The following MOV10 variants were observed in gnomAD, a reference collection of about 807,000 sequenced individuals.
MOV10 encodes RNA helicase MOV-10.
Under a neutral mutation model 108.4 loss-of-function variants are expected in MOV10, and 39 were observed. That is an observed-to-expected ratio of 0.36 (90% confidence interval 0.28 to 0.47). The LOEUF is 0.47. Ranked by LOEUF, MOV10 falls within the 20% of genes least tolerant of loss-of-function variation. The pLI is 1.00. For synonymous variants in MOV10, 490 were observed against 523.1 expected (o/e 0.94, Z 0.86); for missense variants, 952 against 1,297.6 (o/e 0.73, Z 4.09).
chr1:112,687,866 G>A (rs893381336), intron 2 of MOV10, among the ~76,000 whole-genome samples: 2 of 152,052 alleles, frequency 1.3e-5, no homozygotes, highest in Non-Finnish European at 2.9e-5. Context: ...GGTCAACTGA[G>A]CTGACCTGGC....
At position 112,692,860 on chromosome 1, in the gene MOV10, C is replaced by T; in HGVS notation, c.1071C>T (p.His357=). The change falls in exon 7 of 21, where the codon CAC becomes CAT. Residue 357 remains histidine, a synonymous_variant. Transcript: ENST00000369645. ...EELQMEHDIR[H]YDLESVPMTW... is the part of the protein sequence containing the mutation. ...TGCAGATGGAGCATGATATCCGGCACTATGACCTGGAGTCGGTGCCCATGA... is the reference window on the plus strand; with the variant it reads ...TGCAGATGGAGCATGATATCCGGCATTATGACCTGGAGTCGGTGCCCATGA... The T allele has an allele frequency of 6.2e-7, 1 of 1,613,994 alleles. No homozygotes were observed. The highest frequency in any genetic ancestry group is 1.1e-5 in the South Asian group (1 of 91,014).
At chr1:112,684,693 CATT>C (rs1557755075) in intron 2 of MOV10, among the ~76,000 whole-genome samples, 1 of 152,310 alleles carries the variant, frequency 6.6e-6, no homozygotes, top group Non-Finnish European at 1.5e-5. Context: ...TCCACATACC[CATT>C]ATAGTAATAT....
chr1:112,680,449 G>T (rs1160419207), intron 2 of MOV10, among the ~76,000 whole-genome samples: 1 of 151,842 alleles, frequency 6.6e-6, no homozygotes, highest in Non-Finnish European at 1.5e-5. Context: ...GAGGTCAGGA[G>T]ATCGAGACCA....
intron 2 of MOV10, chr1:112,688,624 T>C: frequency 7.9e-7 from 1 of 1,268,150 alleles, no homozygotes; most frequent in Non-Finnish European, 1.0e-6. Flanking sequence ...TTTATGTCTT[T>C]CTCTGTCTTC....
At chr1:112,700,060 G>C in intron 19 of MOV10, 78 bp downstream of exon 19, 1 of 1,589,096 alleles carries the variant, frequency 6.3e-7, no homozygotes, top group Non-Finnish European at 8.6e-7. Flanking sequence ...TTAAGCGCTT[G>C]CTTATCGCTC....
chr1:112,686,889 T>C (rs1332120684), intron 2 of MOV10: 2 of 455,900 alleles, frequency 4.4e-6, no homozygotes, highest in South Asian at 1.6e-5. Flanking sequence ...CTCTACCCAC[T>C]GCCTTGCTCA....
At chr1:112,684,262 ATT>A (rs71084487) in intron 2 of MOV10, among the ~76,000 whole-genome samples, 69 of 93,786 alleles carry the variant, frequency 7.4e-4, no homozygotes, top group East Asian at 1.0e-3. Flanking sequence ...AGTCCCTGGG[ATT>A]TTTTTTTTTT....
chr1:112,682,690 C>T (rs553651391), intron 2 of MOV10, among the ~76,000 whole-genome samples: 1 of 152,130 alleles, frequency 6.6e-6, no homozygotes, highest in Admixed American at 6.5e-5. Context: ...CATGACAGTA[C>T]CTGTTCTAGA....
chr1:112,691,119 A>T (rs1673542539), intron 5 of MOV10, among the ~76,000 whole-genome samples: 1 of 151,808 alleles, frequency 6.6e-6, no homozygotes, highest in Non-Finnish European at 1.5e-5. Context: ...TTTCTACTAA[A>T]AATACAAAAA....
At chr1:112,690,595 A>G (rs760534060) in intron 5 of MOV10, among the ~76,000 whole-genome samples, 2 of 152,054 alleles carry the variant, frequency 1.3e-5, no homozygotes, top group Non-Finnish European at 2.9e-5. Flanking sequence ...CCTGACCTCA[A>G]GTGATCCGCC....
At chr1:112,684,693 C>A (rs557534159) in intron 2 of MOV10, among the ~76,000 whole-genome samples, 1 of 152,310 alleles carries the variant, frequency 6.6e-6, no homozygotes, top group African/African-American at 2.4e-5. Flanking sequence ...TCCACATACC[C>A]ATTATAGTAA....
chr1:112,697,724 G>C (rs766942185), intron 14 of MOV10: 7 of 372,576 alleles, frequency 1.9e-5, no homozygotes, highest in Non-Finnish European at 3.0e-5. Context: ...TGGTAAATTT[G>C]AAACCTGAAA....
At chr1:112,698,151 C>T in intron 15 of MOV10, 40 bp downstream of exon 15, 1 of 1,601,720 alleles carries the variant, frequency 6.2e-7, no homozygotes, top group South Asian at 1.1e-5. Context: ...TGTACCCTGA[C>T]TTCCCTCCCA....
In MOV10 at chr1:112,689,038, C is replaced by T. The variant is rs142209700; in HGVS notation, c.241C>T (p.Arg81Cys). Residue 81 changes from arginine (R) to cysteine (C), a missense_variant, in exon 3 of 21, where the codon CGC (arginine) becomes TGC (cysteine). Coordinates refer to ENST00000369645, the MANE Select transcript of MOV10 (RefSeq NM_001321324.2). ...TCGGGTCAGGTTCTTCAGACTCGAC[C>T]GCTGGGCCGACGTGCGGTTCCCAGA... The part of the protein sequence containing the change: ...KTRVRFFRLD[R>C]WADVRFPEKR... 7.4e-6 allele frequency: 12 copies of T among 1,612,512 alleles called. No homozygotes were observed. Among genetic ancestry groups the T allele is most frequent in the East Asian group, 6.7e-5 (3 of 44,892 alleles).
In MOV10 at chr1:112,694,722, A is replaced by G; in HGVS notation, c.1473-27A>G. 1 of 1,609,998 alleles carries G rather than the reference A, an allele frequency of 6.2e-7. No individual in the cohort carries two copies. The highest frequency in any genetic ancestry group is 8.5e-7 in the Non-Finnish European group (1 of 1,176,988). ...GCCTCTGGGTCACTGGATGACTTCAAGTTCACATTCCTGGTCCCTCTGCCA... is the reference window on the plus strand; with the variant it reads ...GCCTCTGGGTCACTGGATGACTTCAGGTTCACATTCCTGGTCCCTCTGCCA... On this transcript the variant is annotated intron_variant, in intron 9 of 20. Transcript: ENST00000369645. This position sits in a 1 kb window ranked among gnomAD's most constrained non-coding sequence, Gnocchi z 4.1.
intron 2 of MOV10, chr1:112,688,613 C>A: frequency 2.4e-6 from 3 of 1,236,852 alleles, no homozygotes; most frequent in Non-Finnish European, 3.1e-6. Context: ...ACAAAAAGAA[C>A]TTTATGTCTT....
Position 112,691,812 on chromosome 1 carries a change from C to T in MOV10, c.971+13C>T. 3 of 1,608,006 alleles carry T rather than the reference C, an allele frequency of 1.9e-6. No individual in the cohort carries two copies. The highest frequency in any genetic ancestry group is 2.6e-6 in the Non-Finnish European group (3 of 1,175,114). On this transcript the variant is annotated intron_variant, in intron 6 of 20. Coordinates refer to ENST00000369645, the MANE Select transcript of MOV10 (RefSeq NM_001321324.2). ...TCGCAGAGATCAAGTAAGTACCATC[C>T]CTCTGCACCCCGCACTCTCCCGTCT...
Position 112,698,301 on chromosome 1 carries a change from C to T in MOV10, c.2331C>T (p.Ile777=), listed in dbSNP as rs759775942. 9 of 1,613,722 alleles carry T rather than the reference C, an allele frequency of 5.6e-6. No individual in the cohort carries two copies. The South Asian group carries it at 9.9e-5, about 18-fold the overall frequency. ...AGLPRQGFPI[I]FHGVMGKDER... Reference sequence around the variant, plus strand: ...CCCATGTCCAGGGCTTTCCCATCATCTTTCACGGCGTAATGGGCAAAGATG... The same window carrying T: ...CCCATGTCCAGGGCTTTCCCATCATTTTTCACGGCGTAATGGGCAAAGATG... Residue 777 remains isoleucine (I), a synonymous_variant, in exon 16 of 21, where the codon ATC becomes ATT. Transcript: ENST00000369645.
At chr1:112,689,293 G>T in intron 3 of MOV10, 122 bp from the exon 4 acceptor site, 1 of 1,213,076 alleles carries the variant, frequency 8.2e-7, no homozygotes. Context: ...TGCTGGGAGG[G>T]GGTGAGTTTC....
Sources: allele counts gnomAD v4.1 joint callset (sites outside exome capture counted in the v4.1 genomes callset), GRCh38; gene constraint gnomAD v4.1.1; non-coding constraint Gnocchi (gnomAD v3.1); transcripts MANE v1.5; gene names NCBI Gene and HGNC (gene_info 2026-07-23, HGNC 2026-07-21).